PLEKHA5: variants seen among roughly 807,000 people sequenced by gnomAD.
PLEKHA5 encodes the protein pleckstrin homology domain containing A5.
A neutral mutation model predicts 181.9 loss-of-function variants in PLEKHA5; 55 were observed. The observed-to-expected ratio is 0.30, with a 90% CI of 0.24 to 0.38. The LOEUF is 0.38. Ranked by LOEUF, PLEKHA5 falls within the 10% of genes least tolerant of loss-of-function variation. PLEKHA5 has a pLI of 1.00. For missense variants in PLEKHA5, 1,432 were observed against 1,549.5 expected (o/e 0.92, Z 1.27); for synonymous variants, 535 against 529.4 (o/e 1.01, Z -0.15).
intron 21 of PLEKHA5, among the ~76,000 whole-genome samples, chr12:19,340,458 A>G (rs1372280148): frequency 4.8e-5 from 5 of 104,240 alleles, no homozygotes; most frequent in Non-Finnish European, 1.0e-4. Flanking sequence ...GGTGTACTCA[A>G]CAGCTCATTG....
At chr12:19,165,718 A>T (rs2044196950) in intron 3 of PLEKHA5, among the ~76,000 whole-genome samples, 1 of 152,162 alleles carries the variant, frequency 6.6e-6, no homozygotes. Context: ...AACTTCCTAC[A>T]CTTAGTAGTT....
intron 3 of PLEKHA5, among the ~76,000 whole-genome samples, chr12:19,220,512 G>T (rs780580282): frequency 2.6e-5 from 4 of 152,134 alleles, no homozygotes; most frequent in Non-Finnish European, 4.4e-5. Context: ...GTTTTATAAA[G>T]CCAAATTGTA....
intron 20 of PLEKHA5, among the ~76,000 whole-genome samples, chr12:19,335,582 A>ATTTTTTTTTT: frequency 9.3e-6 from 1 of 108,000 alleles, no homozygotes; most frequent in Non-Finnish European, 1.9e-5. Flanking sequence ...CGCCTGGCTA[A>ATTTTTTTTTT]TTTTTTTTTT....
intron 15 of PLEKHA5, among the ~76,000 whole-genome samples, chr12:19,303,146 TC>T (rs2082087306): frequency 6.6e-6 from 1 of 151,868 alleles, no homozygotes; most frequent in Admixed American, 6.6e-5. Context: ...GGTCTCGAAC[TC>T]CTGAACTCAG....
At chr12:19,157,335 T>C (rs1437939428) in intron 3 of PLEKHA5, among the ~76,000 whole-genome samples, 7 of 152,200 alleles carry the variant, frequency 4.6e-5, no homozygotes, top group Non-Finnish European at 1.0e-4. Context: ...ATAAGCAGTC[T>C]ACAAACTCTT....
chr12:19,267,239 G>T lies in PLEKHA5; in HGVS notation c.711+1389G>T, dbSNP rs1592259588. Among the ~76,000 whole-genome samples the T allele has an allele frequency of 2.0e-5, 3 of 152,264 alleles. No homozygotes were observed. In the South Asian group the frequency reaches 6.2e-4, roughly 32 times the overall value. ...ATTTCATTTTAAGAGAAAAGAGGGG[G>T]GAAGTGCTGCTGGTTAACAATGAAC... On this transcript the variant is annotated intron_variant, in intron 8 of 31. Coordinates refer to ENST00000429027, the MANE Select transcript of PLEKHA5 (RefSeq NM_001256470.2).
At chr12:19,300,472 A>G (rs989656112) in intron 15 of PLEKHA5, among the ~76,000 whole-genome samples, 12 of 152,200 alleles carry the variant, frequency 7.9e-5, no homozygotes, top group Non-Finnish European at 1.3e-4. Flanking sequence ...AGCTCATTAT[A>G]CCAGGCTTTG....
chr12:19,222,757 A>G (rs1445163449), intron 3 of PLEKHA5, among the ~76,000 whole-genome samples: 1 of 152,112 alleles, frequency 6.6e-6, no homozygotes, highest in South Asian at 2.1e-4. Flanking sequence ...AGCTGGGCAG[A>G]TGCTGTAAAT....
chr12:19,239,988 T>C (rs907315729), intron 3 of PLEKHA5, among the ~76,000 whole-genome samples: 1 of 152,264 alleles, frequency 6.6e-6, no homozygotes, highest in African/African-American at 2.4e-5. Context: ...TTTGTTATGC[T>C]ACAAGATAGC....
At chr12:19,343,021 TC>T (rs1364321591) in intron 21 of PLEKHA5, among the ~76,000 whole-genome samples, 1 of 152,136 alleles carries the variant, frequency 6.6e-6, no homozygotes, top group Non-Finnish European at 1.5e-5. Flanking sequence ...CCATTTTGGG[TC>T]CCTTTTAATC....
At chr12:19,230,968 T>C (rs936333252) in intron 3 of PLEKHA5, among the ~76,000 whole-genome samples, 3 of 152,214 alleles carry the variant, frequency 2.0e-5, no homozygotes, top group Non-Finnish European at 2.9e-5. Context: ...GGACCTTTCA[T>C]TGAGTTTGTT....
intron 3 of PLEKHA5, among the ~76,000 whole-genome samples, chr12:19,179,740 G>A (rs2048126729): frequency 1.3e-5 from 2 of 152,322 alleles, no homozygotes; most frequent in African/African-American, 4.8e-5. Context: ...GTATATGGGG[G>A]AGAGGTGGGT....
At chr12:19,358,807 G>C (rs1471199140) in intron 27 of PLEKHA5, among the ~76,000 whole-genome samples, 1 of 152,182 alleles carries the variant, frequency 6.6e-6, no homozygotes, top group African/African-American at 2.4e-5. Context: ...AATAAAATAT[G>C]TATTGCTCTG....
intron 8 of PLEKHA5, among the ~76,000 whole-genome samples, chr12:19,268,363 T>A (rs2071286779): frequency 6.6e-6 from 1 of 152,200 alleles, no homozygotes. Flanking sequence ...GTTTTTAGAC[T>A]CTTAAAAAAT....
rs2036797113 is a variant in PLEKHA5, at chr12:19,139,971, A to G, written c.227+7521A>G. On this transcript the variant is annotated intron_variant, in intron 3 of 31. Coordinates refer to ENST00000429027, the MANE Select transcript of PLEKHA5 (RefSeq NM_001256470.2). Reference sequence around the variant, plus strand: ...CTGCAGAAGCTGCTCTTTATCATCCAATAGATAACAATGTTTAGCCAACTG... The same window carrying G: ...CTGCAGAAGCTGCTCTTTATCATCCGATAGATAACAATGTTTAGCCAACTG... 2.0e-5 allele frequency among the ~76,000 whole-genome samples: 3 copies of G among 152,224 alleles called. No homozygotes were observed. The South Asian group carries it at 6.2e-4, about 32-fold the overall frequency.
intron 15 of PLEKHA5, among the ~76,000 whole-genome samples, chr12:19,308,869 G>A (rs949749541): frequency 7.2e-6 from 1 of 138,532 alleles, no homozygotes; most frequent in Non-Finnish European, 1.5e-5. Context: ...CTAACATGGC[G>A]AAACCTTGTC....
intron 15 of PLEKHA5, among the ~76,000 whole-genome samples, chr12:19,301,334 T>G (rs1468763865): frequency 6.6e-6 from 1 of 152,218 alleles, no homozygotes; most frequent in African/African-American, 2.4e-5. Context: ...TCAAACCTTA[T>G]GTTCACAGTA....
At chr12:19,320,365 T>C (rs1303001491) in intron 17 of PLEKHA5, among the ~76,000 whole-genome samples, 197 bp from the exon 18 acceptor site, 2 of 152,164 alleles carry the variant, frequency 1.3e-5, no homozygotes, top group African/African-American at 4.8e-5. Context: ...CGTATGTATC[T>C]TGCATATTAT....
intron 11 of PLEKHA5, among the ~76,000 whole-genome samples, chr12:19,277,877 A>G (rs564040412): frequency 1.3e-5 from 2 of 152,200 alleles, no homozygotes; most frequent in Admixed American, 6.5e-5. Flanking sequence ...GTTAAGATGC[A>G]TGGTCCTTAA....
Sources: gnomAD v4.1 joint callset for allele counts (sites outside exome capture counted in the v4.1 genomes callset) on GRCh38, gnomAD v4.1.1 for gene constraint, MANE v1.5 for transcripts, NCBI Gene and HGNC (gene_info 2026-07-23, HGNC 2026-07-21) for gene names.